The following CDH3 variants were observed in gnomAD, a reference collection of about 807,000 sequenced individuals.
The protein encoded by CDH3 is cadherin-3.
A neutral mutation model predicts 82.0 loss-of-function variants in CDH3; 54 were observed. That is an observed-to-expected ratio of 0.66 (90% confidence interval 0.53 to 0.83). CDH3 has a LOEUF of 0.83. Among genes scored for constraint, CDH3 ranks in the 40% least tolerant of loss-of-function variants. The probability of loss-of-function intolerance (pLI) is 0.00; values close to 1 mark genes in which losing one functional copy is unlikely to be tolerated. For synonymous variants in CDH3, 446 were observed against 437.9 expected, an observed-to-expected ratio of 1.02 and a Z score of -0.23; for missense variants, 1,054 against 1,084.6, an observed-to-expected ratio of 0.97 and a Z score of 0.40.
chr16:68,705,378 A>C lies in CDH3; in HGVS notation c.99+9455A>C, dbSNP rs77393435. Among the ~76,000 whole-genome samples the C allele has an allele frequency of 4.9e-3, 738 of 152,064 alleles. 7 individuals are homozygous for C. The highest frequency in any genetic ancestry group is 0.017 in the African/African-American group (700 of 41,506). ...ATGTGGCATCATCTAAGGCTTTTTT[A>C]TTCATTCGTTTAACAACTTCATTGA... On this transcript the variant is annotated intron_variant, in intron 1 of 2. Transcript: ENST00000569080.
At chr16:68,678,971 C>T (rs1166621455) in intron 6 of CDH3, 65 bp downstream of exon 6, 8 of 1,522,170 alleles carry the variant, frequency 5.3e-6, no homozygotes, top group Non-Finnish European at 7.3e-6. Context: ...TAAAAGATCC[C>T]ACCATACCTG....
chr16:68,668,408 A>G (rs1031344526), intron 2 of CDH3, among the ~76,000 whole-genome samples: 5 of 152,194 alleles, frequency 3.3e-5, no homozygotes, highest in African/African-American at 9.7e-5. Context: ...CTGGTTTCGT[A>G]TCAGTTTCAT....
chr16:68,646,690 A>G (rs1435213827), intron 2 of CDH3, among the ~76,000 whole-genome samples: 5 of 152,134 alleles, frequency 3.3e-5, no homozygotes, highest in Non-Finnish European at 7.3e-5. Flanking sequence ...TTAAACGGGT[A>G]TAACCCTGGA....
rs1034513336 is a variant in CDH3 at position 68,695,472 on chromosome 16, G to A, written c.2133+87G>A. On this transcript the variant is annotated intron_variant, in intron 14 of 15. Transcript: ENST00000264012. ...TTGGGTCAACCAACTGACCAAGTTAGCTGTGTTGACCAGGCCCTGGCATGA... is the reference window on the plus strand; with the variant it reads ...TTGGGTCAACCAACTGACCAAGTTAACTGTGTTGACCAGGCCCTGGCATGA... The A allele has an allele frequency of 5.0e-6, 7 of 1,386,152 alleles. No homozygotes were observed. The African/African-American group carries it at 1.0e-4, about 20-fold the overall frequency. The allele number at this position is 1,386,152 out of a possible 1,614,324, so 85.9% of individuals were successfully genotyped here.
intron 2 of CDH3, among the ~76,000 whole-genome samples, chr16:68,654,284 C>T (rs1379217073): frequency 2.0e-5 from 3 of 146,780 alleles, no homozygotes; most frequent in Non-Finnish European, 4.5e-5. Flanking sequence ...TGATCTCGAT[C>T]TTCTGACCTT....
intron 3 of CDH3, among the ~76,000 whole-genome samples, 175 bp from the exon 4 acceptor site, chr16:68,677,959 G>T (rs944814637): frequency 6.7e-6 from 1 of 150,168 alleles, no homozygotes; most frequent in African/African-American, 2.5e-5. Context: ...TTAGGGTCTC[G>T]CTATCTTGCC....
chr16:68,723,876 C>T (rs935588031), intron 2 of CDH3, among the ~76,000 whole-genome samples: 5 of 152,040 alleles, frequency 3.3e-5, no homozygotes, highest in East Asian at 1.9e-4. Flanking sequence ...GAGACCATCC[C>T]GGCTAAAACG....
chr16:68,717,559 G>A (rs1009263308), intron 1 of CDH3, among the ~76,000 whole-genome samples: 1 of 152,122 alleles, frequency 6.6e-6, no homozygotes, highest in Non-Finnish European at 1.5e-5. Flanking sequence ...GATCACTTGA[G>A]GTCAGGAGTT....
At chr16:68,675,586 G>A (rs1961008717) in intron 2 of CDH3, among the ~76,000 whole-genome samples, 1 of 152,122 alleles carries the variant, frequency 6.6e-6, no homozygotes, top group Non-Finnish European at 1.5e-5. Flanking sequence ...CACAAGGTCA[G>A]GAGTTCAAGA....
chr16:68,693,830 C>G (rs1961637495), intron 13 of CDH3, among the ~76,000 whole-genome samples: 1 of 152,194 alleles, frequency 6.6e-6, no homozygotes, highest in Non-Finnish European at 1.5e-5. Context: ...AGGGTCCCCT[C>G]TTAATACAGG....
At chr16:68,679,714 A>AG in intron 6 of CDH3, 85 bp from the exon 7 acceptor site, 8 of 806,084 alleles carry the variant, frequency 9.9e-6, no homozygotes, top group Admixed American at 5.3e-5. Context: ...AAAAAAAAAA[A>AG]AAAAGAAAAG....
At chr16:68,674,358 T>C (rs893784096) in intron 2 of CDH3, among the ~76,000 whole-genome samples, 2 of 152,200 alleles carry the variant, frequency 1.3e-5, no homozygotes, top group African/African-American at 2.4e-5. Context: ...TTCAAGTCCT[T>C]TGCCTGTTTT....
chr16:68,701,556 T>C (rs896011079), downstream of CDH3, among the ~76,000 whole-genome samples: 4 of 150,940 alleles, frequency 2.7e-5, no homozygotes, highest in Non-Finnish European at 5.9e-5. Context: ...TTTTTTTTTT[T>C]TTTTTTTGAG....
rs570008605 is a variant in CDH3, at chr16:68,705,674, G to A, written c.99+9751G>A. 2.2e-3 allele frequency among the ~76,000 whole-genome samples: 334 copies of A among 151,178 alleles called. 1 individual carries two copies. The highest frequency in any genetic ancestry group is 7.7e-3 in the African/African-American group (319 of 41,292). On this transcript the variant is annotated intron_variant, in intron 1 of 2. Transcript: ENST00000569080. Reference sequence around the variant, plus strand: ...TGACCTCAGGTGATCCACCTGCCTCGGCCTCCCAAACTGCTGGGATTACAG... The same window carrying A: ...TGACCTCAGGTGATCCACCTGCCTCAGCCTCCCAAACTGCTGGGATTACAG...
At chr16:68,662,204 CAG>C (rs1041989002) in intron 2 of CDH3, among the ~76,000 whole-genome samples, 2 of 152,190 alleles carry the variant, frequency 1.3e-5, no homozygotes, top group South Asian at 4.2e-4. Flanking sequence ...CTGTTCCAGA[CAG>C]AGGGAGTAGT....
downstream of CDH3, among the ~76,000 whole-genome samples, chr16:68,731,383 A>ATATAT (rs1452596630): frequency 9.9e-5 from 1 of 10,138 alleles, no homozygotes; most frequent in Non-Finnish European, 2.2e-4. Context: ...AAAAAAAAAA[A>ATATAT]AAAAAAAAAA....
rs199755577 is a variant in CDH3 at position 68,646,510 on chromosome 16, C to G, written c.160+760C>G. ...ATCCCTCAGTTACTCCTACCCCCCC[C>G]CTCCCCGCCCCAAGTTCAAAAACCT... On this transcript the variant is annotated intron_variant, in intron 2 of 15. Coordinates refer to ENST00000264012, the MANE Select transcript of CDH3 (RefSeq NM_001793.6). Among the ~76,000 whole-genome samples, 184 of 140,160 alleles carry G rather than the reference C, an allele frequency of 1.3e-3. 1 individual carries two copies. Among genetic ancestry groups the G allele is most frequent in the Admixed American group, 4.9e-3 (67 of 13,770 alleles). The allele number at this position is 140,160 out of a possible 152,430, so 92.0% of individuals were successfully genotyped here.
chr16:68,694,010 C>T (rs1015871738), intron 13 of CDH3, among the ~76,000 whole-genome samples: 1 of 152,124 alleles, frequency 6.6e-6, no homozygotes, highest in Non-Finnish European at 1.5e-5. Flanking sequence ...AATCCCAGCA[C>T]TTTGGGAGCT....
chr16:68,666,487 C>G (rs1960737150), intron 2 of CDH3, among the ~76,000 whole-genome samples: 1 of 152,140 alleles, frequency 6.6e-6, no homozygotes, highest in Non-Finnish European at 1.5e-5. Flanking sequence ...GCCCCAAGGC[C>G]TCTTGGGATC....
Sources: gnomAD v4.1 joint callset for allele counts (sites outside exome capture counted in the v4.1 genomes callset) on GRCh38, gnomAD v4.1.1 for gene constraint, MANE v1.5 for transcripts, NCBI Gene and HGNC (gene_info 2026-07-23, HGNC 2026-07-21) for gene names.